The following SHTN1 variants were observed in gnomAD, a reference collection of about 807,000 sequenced individuals.
The protein encoded by SHTN1 is shootin 1.
In SHTN1, 42 loss-of-function variants were observed where a neutral mutation model predicts 83.1. That is an observed-to-expected ratio of 0.51 (90% CI 0.39 to 0.65). SHTN1 has a LOEUF of 0.65. Ranked by LOEUF, SHTN1 falls within the 30% of genes least tolerant of loss-of-function variation. The probability of loss-of-function intolerance (pLI) is 0.00; values close to 1 mark genes in which losing one functional copy is unlikely to be tolerated. For synonymous variants in SHTN1, 224 were observed against 247.7 expected (o/e 0.90, Z 0.90); for missense variants, 622 against 737.8 (o/e 0.84, Z 1.82).
At chr10:117,082,502 T>C (rs1295882134) in intron 1 of SHTN1, among the ~76,000 whole-genome samples, 2 of 151,858 alleles carry the variant, frequency 1.3e-5, no homozygotes, top group Non-Finnish European at 2.9e-5. Flanking sequence ...CTGAAAAAAA[T>C]GTATACTCTG....
intron 3 of SHTN1, among the ~76,000 whole-genome samples, chr10:116,963,205 G>A (rs1344652314): frequency 5.3e-5 from 8 of 149,594 alleles, no homozygotes; most frequent in African/African-American, 1.7e-4. Context: ...CCGAGTAGCT[G>A]GGACTACAGG....
At chr10:116,952,634 T>A (rs1307448838) in intron 5 of SHTN1, among the ~76,000 whole-genome samples, 1 of 152,196 alleles carries the variant, frequency 6.6e-6, no homozygotes, top group Admixed American at 6.5e-5. Context: ...AATGAGAGTA[T>A]TATCAACTGT....
chr10:116,997,508 A>T (rs949678738), intron 1 of SHTN1, among the ~76,000 whole-genome samples: 2 of 152,160 alleles, frequency 1.3e-5, no homozygotes, highest in African/African-American at 4.8e-5. Context: ...TATGACCTTG[A>T]CAGTTGGGAG....
intron 1 of SHTN1, 60 bp from the exon 2 acceptor site, chr10:116,979,368 T>A: frequency 7.1e-7 from 1 of 1,408,848 alleles, no homozygotes; most frequent in Non-Finnish European, 1.0e-6. Flanking sequence ...CAGGGCAACC[T>A]GGGGAATCCA....
chr10:116,902,061 C>A, intron 15 of SHTN1, 104 bp from the exon 16 acceptor site: 2 of 1,021,880 alleles, frequency 2.0e-6, no homozygotes, highest in Non-Finnish European at 1.4e-6. Context: ...AGTGAAAAGG[C>A]CAAGTTTGTT....
intron 8 of SHTN1, among the ~76,000 whole-genome samples, chr10:116,941,553 A>G (rs1849374283): frequency 6.6e-6 from 1 of 152,224 alleles, no homozygotes; most frequent in Admixed American, 6.5e-5. Context: ...ATAGAGCTTC[A>G]CCTTTTCAGA....
chr10:116,974,202 C>T, intron 2 of SHTN1: 1 of 926,254 alleles, frequency 1.1e-6, no homozygotes, highest in Non-Finnish European at 1.3e-6. Context: ...GAACAGAGAT[C>T]CTTGCTCTTT....
At chr10:116,926,541 A>G (rs1342236870) in intron 11 of SHTN1, among the ~76,000 whole-genome samples, 1 of 152,242 alleles carries the variant, frequency 6.6e-6, no homozygotes, top group African/African-American at 2.4e-5. Flanking sequence ...TACCCTACTC[A>G]GTAAGGAAAA....
chr10:116,906,778 G>A, intron 14 of SHTN1, 31 bp from the exon 15 acceptor site: 1 of 1,578,834 alleles, frequency 6.3e-7, no homozygotes, highest in Non-Finnish European at 8.6e-7. Context: ...AAACAAAAAG[G>A]TTAATGTCTT....
rs1182675231 is a variant in SHTN1 at position 116,881,617 on chromosome 10, T to G, written c.*4727A>C. 1.9e-6 allele frequency: 3 copies of G among 1,550,398 alleles called. No individual in the cohort carries two copies. Among genetic ancestry groups the G allele is most frequent in the Non-Finnish European group, 2.6e-6 (3 of 1,146,910 alleles). On this transcript the variant is annotated 3_prime_UTR_variant, in exon 17 of 17. Transcript: ENST00000355371. ...GCTAGGGAGCCGCTGGTGCCCACCT[T>G]CCCCACACAAGGTGTAGAGGAATCA...
chr10:116,998,206 A>T (rs1851698541), intron 1 of SHTN1, among the ~76,000 whole-genome samples: 2 of 152,242 alleles, frequency 1.3e-5, no homozygotes, highest in Admixed American at 6.5e-5. Context: ...TTATATCAGT[A>T]TCAACTCATG....
chr10:117,004,870 G>A lies in SHTN1; in HGVS notation c.58+152C>T, dbSNP rs550145651. 3.1e-5 allele frequency: 19 copies of A among 622,432 alleles called. No homozygotes were observed. In the South Asian group the frequency reaches 3.7e-4, roughly 12 times the overall value. The allele number at this position is 622,432 out of a possible 1,614,324, so 38.6% of individuals were successfully genotyped here. Reference sequence around the variant, plus strand: ...TTTCCCAGGCGCGCCGGCCACGGAGGACGCTTCTCTGCGGGTGACGGAGCT... The same window carrying A: ...TTTCCCAGGCGCGCCGGCCACGGAGAACGCTTCTCTGCGGGTGACGGAGCT... On this transcript the variant is annotated intron_variant, in intron 1 of 16. Coordinates refer to ENST00000355371, the MANE Select transcript of SHTN1 (RefSeq NM_001127211.3).
chr10:116,959,688 G>A (rs184257830), intron 4 of SHTN1, among the ~76,000 whole-genome samples: 2 of 152,258 alleles, frequency 1.3e-5, no homozygotes, highest in African/African-American at 2.4e-5. Context: ...GCATGCCCTC[G>A]CTTTGCTTTC....
In SHTN1 at chr10:117,003,578, G is replaced by A. The variant is rs140407914; in HGVS notation, c.58+1444C>T. On this transcript the variant is annotated intron_variant, in intron 1 of 16. Coordinates refer to ENST00000355371, the MANE Select transcript of SHTN1 (RefSeq NM_001127211.3). ...GGAGCACTTCCCAACGGTGTCTGTGGTTTTACGCAACAACAGGTAAGAGTA... is the reference window on the plus strand; with the variant it reads ...GGAGCACTTCCCAACGGTGTCTGTGATTTTACGCAACAACAGGTAAGAGTA... 2.1e-3 allele frequency among the ~76,000 whole-genome samples: 323 copies of A among 152,036 alleles called. 1 individual carries two copies. Among genetic ancestry groups the A allele is most frequent in the Middle Eastern group, 0.017 (5 of 294 alleles).
intron 1 of SHTN1, among the ~76,000 whole-genome samples, chr10:117,100,898 G>A (rs1294091130): frequency 6.6e-6 from 1 of 152,180 alleles, no homozygotes; most frequent in African/African-American, 2.4e-5. Flanking sequence ...GCTGAGAGTA[G>A]TGACTAACAT....
At chr10:116,999,419 A>G (rs542304386) in intron 1 of SHTN1, among the ~76,000 whole-genome samples, 28 of 152,186 alleles carry the variant, frequency 1.8e-4, no homozygotes, top group East Asian at 1.9e-4. Context: ...CCTCAAGGAG[A>G]TAAGAGAAAA....
chr10:116,971,949 G>C (rs1177623648), intron 2 of SHTN1, among the ~76,000 whole-genome samples: 1 of 152,168 alleles, frequency 6.6e-6, no homozygotes, highest in Non-Finnish European at 1.5e-5. Context: ...CATTAAACAG[G>C]AATGGTGCTC....
At chr10:117,121,484 CAGG>C (rs1853926182) in intron 1 of SHTN1, among the ~76,000 whole-genome samples, 1 of 151,850 alleles carries the variant, frequency 6.6e-6, no homozygotes. Flanking sequence ...GAGGCTGAGG[CAGG>C]AGAATTGCTT....
At chr10:117,065,042 AAACT>A (rs1348969571) in intron 1 of SHTN1, among the ~76,000 whole-genome samples, 1 of 152,188 alleles carries the variant, frequency 6.6e-6, no homozygotes, top group Non-Finnish European at 1.5e-5. Flanking sequence ...CATTCTCAGC[AAACT>A]AACACAGGAA....
Sources: allele counts gnomAD v4.1 joint callset (sites outside exome capture counted in the v4.1 genomes callset), GRCh38; gene constraint gnomAD v4.1.1; transcripts MANE v1.5; gene names NCBI Gene and HGNC (gene_info 2026-07-23, HGNC 2026-07-21).